Variants in PTPRD observed in about 807,000 individuals in gnomAD.
PTPRD encodes receptor-type tyrosine-protein phosphatase delta.
PTPRD carries 34 observed loss-of-function variants against 214.5 expected under a neutral mutation model. That is an observed-to-expected ratio of 0.16 (90% CI 0.12 to 0.21). The LOEUF (loss-of-function observed/expected upper bound fraction) is 0.21. Among genes scored for constraint, PTPRD ranks in the 10% least tolerant of loss-of-function variants. PTPRD has a pLI of 1.00. For missense variants in PTPRD, 2,545 were observed against 2,398.7 expected (o/e 1.06, Z -1.27); for synonymous variants, 1,128 against 845.7 (o/e 1.33, Z -5.79).
At chr9:8,805,821 C>A (rs1344143764) in intron 11 of PTPRD, among the ~76,000 whole-genome samples, 2 of 150,864 alleles carry the variant, frequency 1.3e-5, no homozygotes, top group Non-Finnish European at 2.9e-5. Flanking sequence ...CAGTGAAATC[C>A]CGTCTCTAGT....
chr9:8,480,321 C>A (rs148964051), intron 30 of PTPRD, among the ~76,000 whole-genome samples: 1 of 152,300 alleles, frequency 6.6e-6, no homozygotes, highest in Non-Finnish European at 1.5e-5. Flanking sequence ...ACTTTTTAAG[C>A]CTCAGCTTAA....
intron 3 of PTPRD, among the ~76,000 whole-genome samples, chr9:10,244,364 G>A (rs1000581175): frequency 1.3e-5 from 2 of 152,088 alleles, no homozygotes; most frequent in African/African-American, 4.8e-5. Context: ...ACAATGCACT[G>A]TACATGGTAG....
chr9:10,248,252 T>TTGA (rs1336075353), intron 3 of PTPRD, among the ~76,000 whole-genome samples: 2 of 152,056 alleles, frequency 1.3e-5, no homozygotes, highest in Non-Finnish European at 2.9e-5. Context: ...AGGCTCTCAG[T>TTGA]CAACGTTTTT....
intron 11 of PTPRD, among the ~76,000 whole-genome samples, chr9:8,846,943 A>C (rs538624087): frequency 5.3e-5 from 8 of 152,316 alleles, no homozygotes; most frequent in South Asian, 2.1e-4. Flanking sequence ...TGCAGAGCAC[A>C]GAAGCAACTA....
rs565634723 is a variant in PTPRD at position 9,244,323 on chromosome 9, T to C, written c.-202-60960A>G. Among the ~76,000 whole-genome samples, 640 of 152,102 alleles carry C rather than the reference T, an allele frequency of 4.2e-3. 2 individuals carry two copies. Among genetic ancestry groups the C allele is most frequent in the African/African-American group, 0.015 (607 of 41,518 alleles). On this transcript the variant is annotated intron_variant, in intron 9 of 45. Coordinates refer to ENST00000381196, the MANE Select transcript of PTPRD (RefSeq NM_002839.4). ...TATGGAACCAAAAAAGAGCCCGCATTGCCAAGTCAATCCTAAGCCAAAAGA... is the reference window on the plus strand; with the variant it reads ...TATGGAACCAAAAAAGAGCCCGCATCGCCAAGTCAATCCTAAGCCAAAAGA...
chr9:9,934,763 G>C (rs1055224341), intron 5 of PTPRD, among the ~76,000 whole-genome samples: 3 of 151,718 alleles, frequency 2.0e-5, no homozygotes, highest in African/African-American at 7.3e-5. Flanking sequence ...GCCGGGCAGA[G>C]ACACAACCAA....
intron 8 of PTPRD, among the ~76,000 whole-genome samples, chr9:9,557,216 G>A (rs1485164210): frequency 6.6e-6 from 1 of 152,116 alleles, no homozygotes; most frequent in Non-Finnish European, 1.5e-5. Context: ...ACTAGTTCAG[G>A]CCATGATGGA....
chr9:8,804,459 A>G (rs1161075037), intron 11 of PTPRD, among the ~76,000 whole-genome samples: 1 of 151,902 alleles, frequency 6.6e-6, no homozygotes, highest in African/African-American at 2.4e-5. Flanking sequence ...CTAGCCAGGC[A>G]TGGTGGTGCA....
intron 11 of PTPRD, among the ~76,000 whole-genome samples, chr9:8,943,828 A>T (rs1477240248): frequency 6.6e-6 from 1 of 151,814 alleles, no homozygotes; most frequent in African/African-American, 2.4e-5. Flanking sequence ...AAACTCAAAG[A>T]CATTGGACTG....
At chr9:9,452,006 TA>T (rs1367615427) in intron 8 of PTPRD, among the ~76,000 whole-genome samples, 4 of 151,582 alleles carry the variant, frequency 2.6e-5, no homozygotes, top group African/African-American at 7.2e-5. Context: ...ACGTACAGTA[TA>T]AAAAATATTT....
chr9:10,048,340 G>A (rs1427607267), intron 3 of PTPRD, among the ~76,000 whole-genome samples: 3 of 152,060 alleles, frequency 2.0e-5, no homozygotes, highest in Non-Finnish European at 2.9e-5. Flanking sequence ...AGTACTTCAG[G>A]TCTGCTTACT....
chr9:9,389,649 G>A (rs752694653), intron 9 of PTPRD, among the ~76,000 whole-genome samples: 2 of 152,106 alleles, frequency 1.3e-5, no homozygotes, highest in African/African-American at 2.4e-5. Flanking sequence ...ATATTCATGT[G>A]TATTATGCTG....
chr9:8,705,972 A>C (rs996681451), intron 12 of PTPRD, among the ~76,000 whole-genome samples: 2 of 152,192 alleles, frequency 1.3e-5, no homozygotes, highest in African/African-American at 4.8e-5. Context: ...CCATATGTGT[A>C]AATTCCAAGC....
chr9:8,807,599 T>C (rs72702363), intron 11 of PTPRD, among the ~76,000 whole-genome samples: 11,552 of 129,632 alleles, frequency 0.089, 435 homozygotes, highest in Middle Eastern at 0.21. Context: ...TTTGAATAGC[T>C]TTTTTTTTTT....
intron 11 of PTPRD, among the ~76,000 whole-genome samples, chr9:8,780,312 C>A (rs1455572001): frequency 6.6e-6 from 1 of 152,034 alleles, no homozygotes; most frequent in Non-Finnish European, 1.5e-5. Context: ...ATCCCTTTTC[C>A]CCGAGAGTAG....
intron 3 of PTPRD, among the ~76,000 whole-genome samples, chr9:10,330,187 T>A (rs2096723449): frequency 6.6e-6 from 1 of 151,860 alleles, no homozygotes; most frequent in African/African-American, 2.4e-5. Flanking sequence ...ACTATGAGAT[T>A]GACCTTACTC....
intron 11 of PTPRD, among the ~76,000 whole-genome samples, chr9:8,880,100 G>T (rs966099166): frequency 6.6e-6 from 1 of 152,136 alleles, no homozygotes; most frequent in Non-Finnish European, 1.5e-5. Context: ...ACAGCTCAGG[G>T]ATTCCTGGGT....
intron 2 of PTPRD, among the ~76,000 whole-genome samples, chr9:10,405,896 T>G (rs185949256): frequency 6.6e-6 from 1 of 151,556 alleles, no homozygotes; most frequent in African/African-American, 2.4e-5. Context: ...GAATAAAAAC[T>G]TAAAGATTGG....
chr9:9,496,951 T>C (rs773121248), intron 8 of PTPRD, among the ~76,000 whole-genome samples: 8 of 152,150 alleles, frequency 5.3e-5, no homozygotes, highest in Non-Finnish European at 8.8e-5. Context: ...TGCTACAACA[T>C]GGATTTTGAG....
Sources: gnomAD v4.1 joint callset for allele counts (sites outside exome capture counted in the v4.1 genomes callset) on GRCh38, gnomAD v4.1.1 for gene constraint, MANE v1.5 for transcripts, NCBI Gene and HGNC (gene_info 2026-07-23, HGNC 2026-07-21) for gene names.